The following PPM1L variants were observed in gnomAD, a reference collection of about 807,000 sequenced individuals.
PPM1L encodes the protein protein phosphatase, Mg2+/Mn2+ dependent 1L.
Under a neutral mutation model 31.4 loss-of-function variants are expected in PPM1L, and 13 were observed. The ratio of observed to expected loss-of-function variants is 0.41; its 90% CI spans 0.27 to 0.66. The LOEUF (loss-of-function observed/expected upper bound fraction) is 0.66, where lower values mean the gene tolerates loss of function less well. Among genes scored for constraint, PPM1L ranks in the 30% least tolerant of loss-of-function variants. The probability of loss-of-function intolerance (pLI) is 0.29; values close to 1 mark genes in which losing one functional copy is unlikely to be tolerated. For synonymous variants in PPM1L, 184 were observed against 175.4 expected, an observed-to-expected ratio of 1.05 and a Z score of -0.39; for missense variants, 326 against 453.7, an observed-to-expected ratio of 0.72 and a Z score of 2.56.
chr3:160,956,820 G>A (rs369895925), intron 1 of PPM1L, among the ~76,000 whole-genome samples: 3 of 152,204 alleles, frequency 2.0e-5, no homozygotes, highest in Admixed American at 1.3e-4. Flanking sequence ...AGGAAGATCT[G>A]TATGCAAGAA....
chr3:161,029,380 C>T (rs10433352), intron 2 of PPM1L, among the ~76,000 whole-genome samples: 51,749 of 152,018 alleles, frequency 0.34, 9,195 homozygotes, highest in East Asian at 0.64. Context: ...ATTGCAAGTT[C>T]ATATTATTTT....
chr3:160,931,338 A>G (rs779872475), intron 1 of PPM1L, among the ~76,000 whole-genome samples: 4 of 152,244 alleles, frequency 2.6e-5, no homozygotes, highest in Non-Finnish European at 5.9e-5. Context: ...TTGCTAGAGA[A>G]CAGGAGAGAT....
At position 161,069,145 on chromosome 3, in the gene PPM1L, A is replaced by T; in HGVS notation, c.1071A>T (p.Thr357=). 6.2e-7 allele frequency: 1 copy of T among 1,613,198 alleles called. No homozygotes were observed. Among genetic ancestry groups the T allele is most frequent in the Non-Finnish European group, 8.5e-7 (1 of 1,179,566 alleles). The part of the protein sequence containing the change: ...MVVKFRNSSK[T]EEQ The stretch of plus-strand genomic sequence containing the variant: ...TGAAGTTCAGAAATAGCAGCAAAAC[A>T]GAAGAGCAGTGAACCCTTCAGGGGT... Residue 357 remains threonine, a synonymous_variant, in exon 4 of 4, where the codon ACA becomes ACT. Coordinates refer to ENST00000498165, the MANE Select transcript of PPM1L (RefSeq NM_139245.4).
chr3:160,792,083 A>G (rs1414314584), intron 1 of PPM1L, among the ~76,000 whole-genome samples: 1 of 152,170 alleles, frequency 6.6e-6, no homozygotes. Flanking sequence ...CACCCAGGTA[A>G]TATTCATAAT....
At chr3:160,784,456 A>ATGGAT (rs2108068625) in intron 1 of PPM1L, among the ~76,000 whole-genome samples, 1 of 152,018 alleles carries the variant, frequency 6.6e-6, no homozygotes, top group South Asian at 2.1e-4. Context: ...TGGAGCTTTA[A>ATGGAT]TGGATATTAG....
intron 1 of PPM1L, among the ~76,000 whole-genome samples, chr3:160,943,513 C>T (rs1423311088): frequency 2.6e-5 from 4 of 152,120 alleles, no homozygotes; most frequent in Non-Finnish European, 4.4e-5. Flanking sequence ...ACAAGATACA[C>T]ACATAGAAAT....
At chr3:160,857,525 G>C (rs1711754395) in intron 1 of PPM1L, among the ~76,000 whole-genome samples, 1 of 152,106 alleles carries the variant, frequency 6.6e-6, no homozygotes, top group South Asian at 2.1e-4. Context: ...TTGTGGCTGG[G>C]ACCATATGGT....
intron 1 of PPM1L, among the ~76,000 whole-genome samples, chr3:160,767,426 G>A (rs989505226): frequency 3.3e-5 from 5 of 151,816 alleles, no homozygotes; most frequent in African/African-American, 1.2e-4. Flanking sequence ...GTAGAGATGG[G>A]GTTTTGCCAT....
intron 2 of PPM1L, among the ~76,000 whole-genome samples, chr3:161,004,993 C>A (rs1717655050): frequency 6.6e-6 from 1 of 152,026 alleles, no homozygotes; most frequent in African/African-American, 2.4e-5. Flanking sequence ...TATAAATTTC[C>A]CTCTACACAC....
Position 161,072,249 on chromosome 3 carries a change from A to T in PPM1L, c.*3092A>T, listed in dbSNP as rs1719948567. The stretch of plus-strand genomic sequence containing the variant: ...CCTGTATTATTTATTTTATATGACC[A>T]ACTTGCCCCAAGGCAATTAACTCTG... On this transcript the variant is annotated 3_prime_UTR_variant, in exon 4 of 4. Coordinates refer to ENST00000498165, the MANE Select transcript of PPM1L (RefSeq NM_139245.4). 6.6e-6 allele frequency: 1 copy of T among 152,354 alleles called. No individual in the cohort carries two copies. The highest frequency in any genetic ancestry group is 6.5e-5 in the Admixed American group (1 of 15,302). 9.4% of individuals were successfully genotyped at this position (152,354 alleles called of 1,614,324 possible).
Position 161,073,486 on chromosome 3 carries a change from A to T in PPM1L, c.*4329A>T, listed in dbSNP as rs920357114. 10 of 151,930 alleles carry T rather than the reference A, an allele frequency of 6.6e-5. No homozygotes were observed. Among genetic ancestry groups the T allele is most frequent in the Non-Finnish European group, 1.5e-4 (10 of 68,022 alleles). The allele number at this position is 151,930 out of a possible 1,614,324, so 9.4% of individuals were successfully genotyped here. On this transcript the variant is annotated 3_prime_UTR_variant, in exon 4 of 4. Transcript: ENST00000498165. Reference sequence around the variant, plus strand: ...ACTTGTTAATAAAAGCAGTGTTAAGAAGTAGTATGACTTAATATGACCAAC... The same window carrying T: ...ACTTGTTAATAAAAGCAGTGTTAAGTAGTAGTATGACTTAATATGACCAAC...
At chr3:160,998,691 A>G (rs542821248) in intron 2 of PPM1L, among the ~76,000 whole-genome samples, 3 of 152,308 alleles carry the variant, frequency 2.0e-5, no homozygotes, top group South Asian at 2.1e-4. Flanking sequence ...AAAGACTGTT[A>G]AAAGTCATTT....
At chr3:160,812,124 G>C (rs1216297721) in intron 1 of PPM1L, among the ~76,000 whole-genome samples, 1 of 152,210 alleles carries the variant, frequency 6.6e-6, no homozygotes, top group Admixed American at 6.5e-5. Flanking sequence ...GCTGCCTAAA[G>C]ATGTTCATGT....
At chr3:161,020,918 C>T (rs1903422) in intron 2 of PPM1L, among the ~76,000 whole-genome samples, 33,439 of 151,758 alleles carry the variant, frequency 0.22, 3,996 homozygotes, top group South Asian at 0.3. Flanking sequence ...ATGTCCCTTC[C>T]TGTATTCCCA....
intron 1 of PPM1L, among the ~76,000 whole-genome samples, chr3:160,816,331 T>A (rs1334944369): frequency 6.6e-6 from 1 of 151,766 alleles, no homozygotes; most frequent in South Asian, 2.1e-4. Flanking sequence ...TAAATATTTG[T>A]GAGTATAGTG....
chr3:160,839,307 T>G (rs945271275), intron 1 of PPM1L, among the ~76,000 whole-genome samples: 1 of 152,220 alleles, frequency 6.6e-6, no homozygotes. Flanking sequence ...ATAGCCAACC[T>G]TTCTAGTACA....
chr3:160,987,245 C>G (rs1716993433), intron 2 of PPM1L, among the ~76,000 whole-genome samples: 1 of 152,120 alleles, frequency 6.6e-6, no homozygotes, highest in Admixed American at 6.5e-5. Flanking sequence ...AAAATAGACT[C>G]TATGTTGTAT....
At chr3:160,947,384 T>C (rs1220728905) in intron 1 of PPM1L, among the ~76,000 whole-genome samples, 2 of 152,120 alleles carry the variant, frequency 1.3e-5, no homozygotes, top group African/African-American at 4.8e-5. Context: ...TTTTTGAAAA[T>C]TCATATCAAT....
At chr3:160,975,803 A>G (rs1343283507) in intron 2 of PPM1L, among the ~76,000 whole-genome samples, 14 of 151,768 alleles carry the variant, frequency 9.2e-5, no homozygotes, top group African/African-American at 3.4e-4. Context: ...TAGATATACA[A>G]TCATGTCATC....
Sources: allele counts gnomAD v4.1 joint callset (sites outside exome capture counted in the v4.1 genomes callset), GRCh38; gene constraint gnomAD v4.1.1; transcripts MANE v1.5; gene names NCBI Gene and HGNC (gene_info 2026-07-23, HGNC 2026-07-21).